Variants in ATL2 observed in about 807,000 individuals in gnomAD.
ATL2 encodes atlastin-2.
In ATL2, 31 loss-of-function variants were observed where a neutral mutation model predicts 73.9. That is an observed-to-expected ratio of 0.42 (90% CI 0.32 to 0.57). The LOEUF is 0.57. ATL2 is among the 20% of genes least tolerant of loss of function. The pLI, the probability that ATL2 is intolerant of heterozygous loss-of-function variation, is 0.14. For missense variants in ATL2, 738 were observed against 702.6 expected (o/e 1.05, Z -0.57); for synonymous variants, 291 against 237.5 (o/e 1.23, Z -2.07).
At chr2:38,357,839 T>G (rs1011120499) in intron 1 of ATL2, among the ~76,000 whole-genome samples, 1 of 152,048 alleles carries the variant, frequency 6.6e-6, no homozygotes, top group African/African-American at 2.4e-5. Context: ...ATACTTAAAA[T>G]TAAAACTATT....
chr2:38,297,102 G>A (rs1055503187), intron 12 of ATL2, among the ~76,000 whole-genome samples: 1 of 151,978 alleles, frequency 6.6e-6, no homozygotes, highest in Non-Finnish European at 1.5e-5. Context: ...CTTCCCAATC[G>A]GATCTGAATA....
chr2:38,371,734 T>C (rs957103949), intron 1 of ATL2, among the ~76,000 whole-genome samples: 2 of 151,724 alleles, frequency 1.3e-5, no homozygotes, highest in Non-Finnish European at 2.9e-5. Context: ...CCTGTCTCTA[T>C]TAAAAATACA....
chr2:38,301,463 G>A lies in ATL2; in HGVS notation c.1072-1135C>T, dbSNP rs112718414. The stretch of plus-strand genomic sequence containing the variant: ...TACCTGGTTTTAACTTCAGATCACT[G>A]AAAGAGGCACTGAAGAGGATGTGAA... On this transcript the variant is annotated intron_variant, in intron 9 of 12. Transcript: ENST00000378954. Among the ~76,000 whole-genome samples, 1,194 of 152,326 alleles carry A rather than the reference G, an allele frequency of 7.8e-3. 19 individuals are homozygous for A. The highest frequency in any genetic ancestry group is 0.027 in the African/African-American group (1,113 of 41,570).
chr2:38,337,331 C>G (rs966560873), intron 2 of ATL2, among the ~76,000 whole-genome samples: 1 of 150,610 alleles, frequency 6.6e-6, no homozygotes, highest in African/African-American at 2.4e-5. Flanking sequence ...ATTAAAAATA[C>G]AAAAATTAGC....
At chr2:38,345,134 C>T (rs1669947479) in intron 1 of ATL2, among the ~76,000 whole-genome samples, 1 of 152,080 alleles carries the variant, frequency 6.6e-6, no homozygotes, top group Non-Finnish European at 1.5e-5. Context: ...GGGACCTTAT[C>T]TTCTCCCACA....
intron 9 of ATL2, among the ~76,000 whole-genome samples, chr2:38,307,405 A>T (rs1237386340): frequency 6.8e-6 from 1 of 147,946 alleles, no homozygotes; most frequent in Non-Finnish European, 1.5e-5. Flanking sequence ...GGCTGAGGCC[A>T]GGCGAATTGC....
intron 12 of ATL2, among the ~76,000 whole-genome samples, chr2:38,297,159 G>T (rs1489403918): frequency 1.3e-5 from 2 of 151,910 alleles, no homozygotes; most frequent in African/African-American, 4.8e-5. Flanking sequence ...TAATATAGTG[G>T]GTCACTTTAT....
intron 11 of ATL2, 63 bp from the exon 12 acceptor site, chr2:38,298,638 T>C: frequency 6.6e-7 from 1 of 1,519,286 alleles, no homozygotes; most frequent in Non-Finnish European, 8.9e-7. Flanking sequence ...GAAGTTCCTG[T>C]TCATAGTTTT....
At position 38,296,626 on chromosome 2, in the gene ATL2, A is replaced by G. The variant is rs767512084; in HGVS notation, c.1633-513T>C. On this transcript the variant is annotated intron_variant, in intron 12 of 12. Transcript: ENST00000378954. ...AAGTGATTTGTTAGGAGAATGAATC[A>G]GAGTGCCTCGAAGCTAAAGAGTTTA... The G allele has an allele frequency of 1.9e-6, 3 of 1,609,278 alleles. No homozygotes were observed. The East Asian group carries it at 6.7e-5, about 36-fold the overall frequency.
intron 2 of ATL2, among the ~76,000 whole-genome samples, chr2:38,340,317 C>T (rs1386104760): frequency 6.6e-6 from 1 of 151,382 alleles, no homozygotes; most frequent in African/African-American, 2.4e-5. Flanking sequence ...ACCTTTTCTG[C>T]ATGTAAATTA....
chr2:38,344,439 G>C (rs1010023197), intron 1 of ATL2, among the ~76,000 whole-genome samples: 1 of 152,060 alleles, frequency 6.6e-6, no homozygotes, highest in African/African-American at 2.4e-5. Flanking sequence ...GGGAAACCCC[G>C]TCTCTACTAA....
intron 6 of ATL2, among the ~76,000 whole-genome samples, chr2:38,314,329 ATTGTC>A (rs1386776362): frequency 1.3e-5 from 2 of 152,158 alleles, no homozygotes; most frequent in East Asian, 1.9e-4. Flanking sequence ...TATATTTCCT[ATTGTC>A]TTAAGTTTAG....
chr2:38,307,115 T>G (rs1397887814), intron 9 of ATL2, among the ~76,000 whole-genome samples: 1 of 152,086 alleles, frequency 6.6e-6, no homozygotes, highest in Admixed American at 6.5e-5. Context: ...CCCAGCACTT[T>G]GGGAGGCAGA....
intron 2 of ATL2, among the ~76,000 whole-genome samples, chr2:38,326,861 A>C (rs1347013642): frequency 6.6e-6 from 1 of 151,954 alleles, no homozygotes; most frequent in Non-Finnish European, 1.5e-5. Context: ...GGTGGCACAC[A>C]CCTGTAGTCC....
chr2:38,354,266 A>G (rs1558444256), intron 1 of ATL2: 2 of 311,106 alleles, frequency 6.4e-6, no homozygotes, highest in Non-Finnish European at 6.3e-6. Context: ...GAAATGAAAC[A>G]TTATCAAATG....
At chr2:38,368,649 A>G (rs1034724146) in intron 1 of ATL2, among the ~76,000 whole-genome samples, 24 of 152,266 alleles carry the variant, frequency 1.6e-4, no homozygotes, top group African/African-American at 5.8e-4. Context: ...GAAAAACATG[A>G]AAGAAACCAA....
At chr2:38,307,357 C>CT (rs548993472) in intron 9 of ATL2, among the ~76,000 whole-genome samples, 16,594 of 146,026 alleles carry the variant, frequency 0.11, 3,039 homozygotes, top group African/African-American at 0.38. Context: ...GTTTTCTTTT[C>CT]TTTTTTTTTT....
chr2:38,376,180 C>A (rs1049242576), intron 1 of ATL2: 3 of 1,521,732 alleles, frequency 2.0e-6, no homozygotes, highest in African/African-American at 2.8e-5. Context: ...TAAGTACCAT[C>A]AAAATTTTCA....
In ATL2 at chr2:38,298,594, A is replaced by C. The variant is rs377142879; in HGVS notation, c.1201-19T>G. The C allele has an allele frequency of 8.8e-6, 14 of 1,586,346 alleles. No individual in the cohort carries two copies. Among genetic ancestry groups the C allele is most frequent in the Non-Finnish European group, 1.2e-5 (14 of 1,166,852 alleles). ...CACATACCTGGACAGACAGAATTAC[A>C]GTATTACATGCTAGAAATAATTAAC... On this transcript the variant is annotated intron_variant, in intron 11 of 12. Coordinates refer to ENST00000378954, the MANE Select transcript of ATL2 (RefSeq NM_001135673.4).
Sources: gnomAD v4.1 joint callset for allele counts (sites outside exome capture counted in the v4.1 genomes callset) on GRCh38, gnomAD v4.1.1 for gene constraint, MANE v1.5 for transcripts, NCBI Gene and HGNC (gene_info 2026-07-23, HGNC 2026-07-21) for gene names.